Variants in AMPH observed in about 807,000 individuals in gnomAD.
AMPH encodes the protein amphiphysin (Stiff-Mann syndrome with breast cancer 128kD autoantigen).
In AMPH, 49 loss-of-function variants were observed where a neutral mutation model predicts 99.1. That is an observed-to-expected ratio of 0.49 (90% CI 0.39 to 0.63). The LOEUF is 0.63. Ranked by LOEUF, AMPH falls within the 20% of genes least tolerant of loss-of-function variation. AMPH has a pLI of 0.00. For synonymous variants in AMPH, 314 were observed against 317.3 expected (o/e 0.99, Z 0.11); for missense variants, 759 against 863.4 (o/e 0.88, Z 1.52).
chr7:38,532,820 A>T (rs1790458911), intron 2 of AMPH, among the ~76,000 whole-genome samples: 1 of 152,148 alleles, frequency 6.6e-6, no homozygotes, highest in South Asian at 2.1e-4. Context: ...ACTAAACCTG[A>T]TGCTTCCAAA....
At chr7:38,509,050 T>G (rs566655580) in intron 2 of AMPH, among the ~76,000 whole-genome samples, 1 of 152,264 alleles carries the variant, frequency 6.6e-6, no homozygotes, top group Admixed American at 6.5e-5. Flanking sequence ...TGGGAAGATG[T>G]AAAAGCGCCC....
intron 17 of AMPH, among the ~76,000 whole-genome samples, chr7:38,413,455 T>G (rs964860123): frequency 4.6e-5 from 7 of 152,178 alleles, no homozygotes; most frequent in African/African-American, 1.7e-4. Flanking sequence ...ACCCCAAGAC[T>G]GCACTGTCAA....
chr7:38,428,538 T>A (rs750219757), intron 14 of AMPH: 3 of 456,650 alleles, frequency 6.6e-6, no homozygotes, highest in Admixed American at 2.3e-5. Context: ...TTCTTCAGCA[T>A]CTGTACTGTC....
At chr7:38,430,098 C>A (rs573104363) in intron 13 of AMPH, 2 of 519,566 alleles carry the variant, frequency 3.8e-6, no homozygotes, top group South Asian at 2.8e-5. Context: ...CACTTTCTAG[C>A]ATCAGCAAGG....
In AMPH at chr7:38,559,370, A is replaced by G. The variant is rs1213378125; in HGVS notation, c.70-24359T>C. 2.6e-5 allele frequency among the ~76,000 whole-genome samples: 4 copies of G among 152,366 alleles called. No individual in the cohort carries two copies. In the East Asian group the frequency reaches 7.7e-4, roughly 29 times the overall value. The stretch of plus-strand genomic sequence containing the variant: ...GTAAATCTAATTTTTAGGCCGGAGA[A>G]CAACAGACAGTGGTTTCTACAGAAT... On this transcript the variant is annotated intron_variant, in intron 1 of 20. Transcript: ENST00000356264.
chr7:38,517,184 A>C (rs1789779011), intron 2 of AMPH, among the ~76,000 whole-genome samples: 1 of 152,184 alleles, frequency 6.6e-6, no homozygotes, highest in African/African-American at 2.4e-5. Flanking sequence ...GAAGGACATG[A>C]GATTTGGGAG....
In AMPH at chr7:38,432,411, T is replaced by C. The variant is rs561663128; in HGVS notation, c.1135-199A>G. Among the ~76,000 whole-genome samples, 4 of 152,338 alleles carry C rather than the reference T, an allele frequency of 2.6e-5. No individual in the cohort carries two copies. The East Asian group carries it at 7.7e-4, about 29-fold the overall frequency. ...GGTAGCCACCAGTCACATGTGGCTA[T>C]TGAGCACTTGAAATGTGCTAGGGTA... On this transcript the variant is annotated intron_variant, in intron 12 of 20. Coordinates refer to ENST00000356264, the MANE Select transcript of AMPH (RefSeq NM_001635.4).
intron 16 of AMPH, among the ~76,000 whole-genome samples, chr7:38,419,600 T>A (rs1186430682): frequency 1.3e-5 from 2 of 152,244 alleles, no homozygotes; most frequent in Non-Finnish European, 2.9e-5. Context: ...GAACAAGTTT[T>A]CATAACAGCA....
At chr7:38,394,856 T>C (rs1219886570) in intron 17 of AMPH, among the ~76,000 whole-genome samples, 1 of 152,256 alleles carries the variant, frequency 6.6e-6, no homozygotes, top group Non-Finnish European at 1.5e-5. Flanking sequence ...CCTCATTGCC[T>C]AACCACCCTC....
At chr7:38,551,301 T>G (rs1791172025) in intron 1 of AMPH, among the ~76,000 whole-genome samples, 1 of 152,144 alleles carries the variant, frequency 6.6e-6, no homozygotes. Flanking sequence ...CTCCAAAACC[T>G]AAGGAACAAT....
chr7:38,622,118 C>T (rs1794092212), intron 1 of AMPH, among the ~76,000 whole-genome samples: 1 of 152,110 alleles, frequency 6.6e-6, no homozygotes, highest in African/African-American at 2.4e-5. Context: ...TAGCCATTTA[C>T]TGAGAATGTA....
chr7:38,429,237 A>G (rs1280585993), intron 14 of AMPH: 2 of 1,287,380 alleles, frequency 1.6e-6, no homozygotes, highest in East Asian at 1.1e-4. Flanking sequence ...AGCAATGGCA[A>G]CTCCAGCCTC....
chr7:38,587,954 G>GCA (rs113870677), intron 1 of AMPH, among the ~76,000 whole-genome samples: 2 of 148,634 alleles, frequency 1.3e-5, no homozygotes, highest in African/African-American at 4.9e-5. Flanking sequence ...GTGTGTGCGC[G>GCA]TGTGTGTGTG....
At chr7:38,407,636 A>G (rs1214223690) in intron 17 of AMPH, among the ~76,000 whole-genome samples, 1 of 152,180 alleles carries the variant, frequency 6.6e-6, no homozygotes, top group Non-Finnish European at 1.5e-5. Context: ...TTAAATTAAA[A>G]AAATTCAAAA....
chr7:38,483,880 A>G (rs987263890), intron 5 of AMPH, among the ~76,000 whole-genome samples: 1 of 152,152 alleles, frequency 6.6e-6, no homozygotes, highest in African/African-American at 2.4e-5. Context: ...TCAGATCAGG[A>G]AAATAATGTA....
At chr7:38,412,967 A>T (rs541262278) in intron 17 of AMPH, among the ~76,000 whole-genome samples, 1 of 152,324 alleles carries the variant, frequency 6.6e-6, no homozygotes, top group South Asian at 2.1e-4. Context: ...TGGAGATCTA[A>T]CAGGGACTGG....
At chr7:38,412,644 C>A (rs1196171478) in intron 17 of AMPH, among the ~76,000 whole-genome samples, 1 of 152,236 alleles carries the variant, frequency 6.6e-6, no homozygotes, top group Admixed American at 6.5e-5. Flanking sequence ...CTAATTTTAT[C>A]TCTTCCCTAT....
chr7:38,441,526 A>T (rs1006273258), intron 11 of AMPH, among the ~76,000 whole-genome samples: 1 of 151,896 alleles, frequency 6.6e-6, no homozygotes, highest in African/African-American at 2.4e-5. Context: ...CTGAGATTTT[A>T]TTTCCAAAAA....
At chr7:38,529,759 G>GTAGATACA (rs1229348702) in intron 2 of AMPH, among the ~76,000 whole-genome samples, 1 of 152,142 alleles carries the variant, frequency 6.6e-6, no homozygotes. Flanking sequence ...TTAATGAAAG[G>GTAGATACA]TAGATACATT....
Sources: gnomAD v4.1 joint callset for allele counts (sites outside exome capture counted in the v4.1 genomes callset) on GRCh38, gnomAD v4.1.1 for gene constraint, MANE v1.5 for transcripts, NCBI Gene and HGNC (gene_info 2026-07-23, HGNC 2026-07-21) for gene names.